The following QSOX2 variants were observed in gnomAD, a reference collection of about 807,000 sequenced individuals.
QSOX2 encodes sulfhydryl oxidase 2.
QSOX2 carries 46 observed loss-of-function variants against 61.7 expected under a neutral mutation model. The ratio of observed to expected loss-of-function variants is 0.75; its 90% confidence interval spans 0.59 to 0.95. The LOEUF is 0.95. Among genes scored for constraint, QSOX2 ranks in the 40% least tolerant of loss-of-function variants. QSOX2 has a pLI of 0.00. For synonymous variants in QSOX2, 383 were observed against 388.4 expected (o/e 0.99, Z 0.16); for missense variants, 879 against 918.9 (o/e 0.96, Z 0.56).
chr9:136,206,645 C>T lies in QSOX2; in HGVS notation c.*2083G>A, dbSNP rs1831767678. The T allele has an allele frequency of 6.6e-6, 1 of 152,190 alleles. No individual in the cohort carries two copies. Among genetic ancestry groups the T allele is most frequent in the South Asian group, 2.1e-4 (1 of 4,812 alleles). The allele number at this position is 152,190 out of a possible 1,614,324, so 9.4% of individuals were successfully genotyped here. On this transcript the variant is annotated 3_prime_UTR_variant, in exon 12 of 12. Transcript: ENST00000358701. ...AGTATGGCCATATGACTCCTGGGGC[C>T]ACCTCCACGACGGCCCAGCCCCACC...
intron 6 of QSOX2, among the ~76,000 whole-genome samples, chr9:136,220,127 G>C (rs190484367): frequency 0.011 from 1,615 of 152,294 alleles, 8 homozygotes; most frequent in Admixed American, 0.016. Context: ...AACCTCCTGG[G>C]CTCAAATGAT....
intron 1 of QSOX2, among the ~76,000 whole-genome samples, chr9:136,230,313 C>T (rs1220548278): frequency 6.6e-6 from 1 of 152,198 alleles, no homozygotes; most frequent in African/African-American, 2.4e-5. Flanking sequence ...TCCTGAATCT[C>T]AGGCAGCGCT....
Position 136,226,810 on chromosome 9 carries a change from G to C in QSOX2, c.393C>G (p.Cys131Trp). 1 of 1,614,162 alleles carries C rather than the reference G, an allele frequency of 6.2e-7. No individual in the cohort carries two copies. Among genetic ancestry groups the C allele is most frequent in the Non-Finnish European group, 8.5e-7 (1 of 1,180,008 alleles). Residue 131 changes from cysteine (C) to tryptophan (W), a missense_variant, in exon 2 of 12, where the codon TGC becomes TGG. Transcript: ENST00000358701. ...DCMEEKNQAV[C>W]HDYDIHFYPT... is the part of the protein sequence containing the mutation. The stretch of plus-strand genomic sequence containing the variant: ...GGTAGAAGTGGATGTCGTAGTCATG[G>C]CACACGGCCTGGTTCTTCTCTTCCA...
At chr9:136,214,145 A>G (rs1031738535) in intron 10 of QSOX2, among the ~76,000 whole-genome samples, 2 of 152,258 alleles carry the variant, frequency 1.3e-5, no homozygotes, top group African/African-American at 4.8e-5. Context: ...ACTGGGAAGC[A>G]CACACACAAC....
At chr9:136,235,376 G>A (rs1830371987) in intron 1 of QSOX2, among the ~76,000 whole-genome samples, 1 of 152,204 alleles carries the variant, frequency 6.6e-6, no homozygotes, top group Non-Finnish European at 1.5e-5. Context: ...GCCCTTACGG[G>A]GAGTGACGAC....
chr9:136,211,564 T>C, intron 10 of QSOX2, 112 bp from the exon 11 acceptor site: 23 of 1,039,706 alleles, frequency 2.2e-5, no homozygotes, highest in Non-Finnish European at 2.7e-5. Context: ...GGAAGCCACC[T>C]CATGTCTCCC....
At chr9:136,226,004 C>T (rs1297870732) in intron 2 of QSOX2, among the ~76,000 whole-genome samples, 1 of 152,222 alleles carries the variant, frequency 6.6e-6, no homozygotes, top group Admixed American at 6.5e-5. Flanking sequence ...TGCCGCCCAG[C>T]GTGGCACCTG....
chr9:136,218,691 A>C lies in QSOX2; in HGVS notation c.1074T>G (p.Thr358=), dbSNP rs140545425. 144 of 1,613,684 alleles carry C rather than the reference A, an allele frequency of 8.9e-5. No individual in the cohort carries two copies. In the African/African-American group the frequency reaches 1.2e-3, roughly 13 times the overall value. ...CACCGTCCCAAACCTTGGCCAAGACAGTCACAAAGTCCTTGAGCGTCTTCA... is the reference window on the plus strand; with the variant it reads ...CACCGTCCCAAACCTTGGCCAAGACCGTCACAAAGTCCTTGAGCGTCTTCA... ...AELKTLKDFV[T]VLAKLFPGRP... Residue 358 remains threonine (T), a synonymous_variant, in exon 8 of 12, where the codon ACT becomes ACG. Coordinates refer to ENST00000358701, the MANE Select transcript of QSOX2 (RefSeq NM_181701.4).
Position 136,210,759 on chromosome 9 carries a change from A to G in QSOX2, c.1549+505T>C, listed in dbSNP as rs148333684. The G allele has an allele frequency of 1.6e-4, 162 of 985,302 alleles. No individual in the cohort carries two copies. The East Asian group carries it at 0.012, about 73-fold the overall frequency. 61.0% of individuals were successfully genotyped at this position (985,302 alleles called of 1,614,324 possible). A position where few individuals can be genotyped will look rare whatever the true frequency, so the allele number is the denominator to read the frequency against. Reference sequence around the variant, plus strand: ...CTCAGTGGAATTATTTTTAAGCCTAATTTTAATCTGCCACTGATTTAGGAA... The same window carrying G: ...CTCAGTGGAATTATTTTTAAGCCTAGTTTTAATCTGCCACTGATTTAGGAA... On this transcript the variant is annotated intron_variant, in intron 11 of 11. Coordinates refer to ENST00000358701, the MANE Select transcript of QSOX2 (RefSeq NM_181701.4).
intron 1 of QSOX2, among the ~76,000 whole-genome samples, chr9:136,233,106 C>A (rs1830347567): frequency 6.6e-6 from 1 of 152,056 alleles, no homozygotes; most frequent in Admixed American, 6.5e-5. Flanking sequence ...GCTGTTTGTG[C>A]ACACGCTGCC....
chr9:136,223,777 A>G lies in QSOX2; in HGVS notation c.661T>C (p.Tyr221His). ...AGAGGCCGTACCTCCCGTCCAAGGT[A>G]GGAGCTGTTGCTTTCAAAGACAATA... Reference protein sequence around the residue: ...VAIVFESNSSYLGREVILDLI... With the variant: ...VAIVFESNSSHLGREVILDLI... Residue 221 changes from tyrosine (Y) to histidine (H), a missense_variant, in exon 5 of 12, where the codon TAC (tyrosine) becomes CAC (histidine). Coordinates refer to ENST00000358701, the MANE Select transcript of QSOX2 (RefSeq NM_181701.4). This position sits in a 1 kb window ranked among gnomAD's most constrained non-coding sequence, Gnocchi z 4.4. The G allele has an allele frequency of 6.2e-7, 1 of 1,614,030 alleles. No individual in the cohort carries two copies. Among genetic ancestry groups the G allele is most frequent in the Non-Finnish European group, 8.5e-7 (1 of 1,179,994 alleles).
At chr9:136,219,359 A>C (rs1831954308) in intron 6 of QSOX2, among the ~76,000 whole-genome samples, 195 bp from the exon 7 acceptor site, 1 of 152,216 alleles carries the variant, frequency 6.6e-6, no homozygotes, top group Non-Finnish European at 1.5e-5. Flanking sequence ...AAGAGGAGAC[A>C]CACCAAATCC....
chr9:136,209,253 C>G lies in QSOX2; in HGVS notation c.1572G>C (p.Arg524=), dbSNP rs1365559942. 1 of 1,612,964 alleles carries G rather than the reference C, an allele frequency of 6.2e-7. No homozygotes were observed. The highest frequency in any genetic ancestry group is 1.7e-5 in the Admixed American group (1 of 59,998). ...GAGTGGGCCACTGAAGCTTTGGAAA[C>G]CGGGGATCCTCACTCAGATGGCCTA... ...RLAGHLSEDP[R]FPKLQWPTPD... is the part of the protein sequence containing the mutation. The change falls in exon 12 of 12, where the codon CGG becomes CGC. Residue 524 remains arginine, a synonymous_variant. Transcript: ENST00000358701. This position sits in a 1 kb window ranked among gnomAD's most constrained non-coding sequence, Gnocchi z 5.6.
intron 10 of QSOX2, among the ~76,000 whole-genome samples, chr9:136,212,452 T>A (rs1419544124): frequency 1.3e-5 from 2 of 152,260 alleles, no homozygotes; most frequent in Non-Finnish European, 2.9e-5. Flanking sequence ...AAAACACAGC[T>A]GCGTGCAGGC....
At position 136,206,719 on chromosome 9, in the gene QSOX2, C is replaced by T. The variant is rs577407609; in HGVS notation, c.*2009G>A. ...CCTCAGCAGGACGCAAGCTTGTTCC[C>T]CAAATAGTGGTGACCTCAAACTGCA... On this transcript the variant is annotated 3_prime_UTR_variant, in exon 12 of 12. Transcript: ENST00000358701. The T allele has an allele frequency of 6.6e-6, 1 of 152,420 alleles. No individual in the cohort carries two copies. The highest frequency in any genetic ancestry group is 2.4e-5 in the African/African-American group (1 of 41,532). 9.4% of individuals were successfully genotyped at this position (152,420 alleles called of 1,614,324 possible).
At chr9:136,240,265 A>G (rs578160339) in intron 1 of QSOX2, among the ~76,000 whole-genome samples, 1 of 152,378 alleles carries the variant, frequency 6.6e-6, no homozygotes, top group Non-Finnish European at 1.5e-5. Context: ...TAGTAGATTA[A>G]CATTTATTTC....
chr9:136,214,311 G>A (rs957152857), intron 10 of QSOX2, among the ~76,000 whole-genome samples: 1 of 152,148 alleles, frequency 6.6e-6, no homozygotes, highest in Non-Finnish European at 1.5e-5. Flanking sequence ...CCTCTGCGAC[G>A]GTCCCCACAG....
At position 136,209,079 on chromosome 9, in the gene QSOX2, T is replaced by C. The variant is rs754864967; in HGVS notation, c.1746A>G (p.Gly582=). 6.2e-7 allele frequency: 1 copy of C among 1,614,176 alleles called. No individual in the cohort carries two copies. The highest frequency in any genetic ancestry group is 1.1e-5 in the South Asian group (1 of 91,084). ...SADQGDSSEG[G]TLARGEEEEK... ...CCTCTTCCTCACCCCTGGCCAGGGT[T>C]CCTCCTTCACTGGAATCCCCCTGGT... Residue 582 remains glycine, a synonymous_variant, in exon 12 of 12, where the codon GGA becomes GGG. Transcript: ENST00000358701. This position sits in a 1 kb window ranked among gnomAD's most constrained non-coding sequence, Gnocchi z 5.6.
Position 136,208,469 on chromosome 9 carries a change from G to C in QSOX2, c.*259C>G. On this transcript the variant is annotated 3_prime_UTR_variant, in exon 12 of 12. Coordinates refer to ENST00000358701, the MANE Select transcript of QSOX2 (RefSeq NM_181701.4). ...AGAGTAAAAATACAGAAGTCTTTTT[G>C]CTGTAAGACCTGCAAAAGGAGCATG... 2.2e-6 allele frequency: 1 copy of C among 448,742 alleles called. No homozygotes were observed. The highest frequency in any genetic ancestry group is 3.9e-6 in the Non-Finnish European group (1 of 254,034). The allele number at this position is 448,742 out of a possible 1,614,324, so 27.8% of individuals were successfully genotyped here. A position where few individuals can be genotyped will look rare whatever the true frequency, so the allele number is the denominator to read the frequency against.
Sources: gnomAD v4.1 joint callset for allele counts (sites outside exome capture counted in the v4.1 genomes callset) on GRCh38, gnomAD v4.1.1 for gene constraint, Gnocchi (gnomAD v3.1) non-coding constraint, MANE v1.5 for transcripts, NCBI Gene and HGNC (gene_info 2026-07-23, HGNC 2026-07-21) for gene names.